SLC35G2: variants seen among roughly 807,000 people sequenced by gnomAD.
SLC35G2 encodes transmembrane protein 22.
Under a neutral mutation model 27.2 loss-of-function variants are expected in SLC35G2, and 20 were observed. That is an observed-to-expected ratio of 0.74 (90% CI 0.52 to 1.07). The LOEUF is 1.07. Among genes scored for constraint, SLC35G2 ranks in the 50% least tolerant of loss-of-function variants. The probability of loss-of-function intolerance (pLI) is 0.00; values close to 1 mark genes in which losing one functional copy is unlikely to be tolerated. For synonymous variants in SLC35G2, 148 were observed against 165.3 expected, an observed-to-expected ratio of 0.90 and a Z score of 0.80; for missense variants, 416 against 493.3, an observed-to-expected ratio of 0.84 and a Z score of 1.48.
At chr3:136,831,554 G>C (rs906528715) in intron 1 of SLC35G2, among the ~76,000 whole-genome samples, 2 of 152,206 alleles carry the variant, frequency 1.3e-5, no homozygotes, top group African/African-American at 4.8e-5. Context: ...CCTGTAGAAA[G>C]TGTTCTAGAA....
chr3:136,844,064 A>G (rs1252835223), intron 1 of SLC35G2, among the ~76,000 whole-genome samples: 1 of 152,142 alleles, frequency 6.6e-6, no homozygotes, highest in Non-Finnish European at 1.5e-5. Flanking sequence ...AGTTATAAGA[A>G]AACAAATTTG....
At chr3:136,851,412 G>C (rs1937622861) in intron 1 of SLC35G2, among the ~76,000 whole-genome samples, 1 of 149,272 alleles carries the variant, frequency 6.7e-6, no homozygotes, top group Non-Finnish European at 1.5e-5. Context: ...GCAGGAGAAT[G>C]GTGTGAACCC....
Position 136,855,242 on chromosome 3 carries a change from CT to C in SLC35G2, c.783del (p.Val262Ter). 4.3e-6 allele frequency: 7 copies of C among 1,614,182 alleles called. No homozygotes were observed. Among genetic ancestry groups the C allele is most frequent in the Non-Finnish European group, 5.9e-6 (7 of 1,180,020 alleles). On this transcript the variant is annotated frameshift_variant, in exon 2 of 2. Coordinates refer to ENST00000446465, the MANE Select transcript of SLC35G2 (RefSeq NM_025246.3). LOFTEE classifies it high-confidence loss of function. ...AWKEAFGYTM[T>X]VMAGLTTALS... ...AAAGAAGCCTTTGGGTACACCATGA[CT>C]GTGATGGCTGGACTGACCACTGCTC...
intron 1 of SLC35G2, chr3:136,842,059 T>G (rs935661771): frequency 1.3e-5 from 2 of 151,654 alleles, no homozygotes; most frequent in South Asian, 4.1e-4. Flanking sequence ...TTGAAGTATT[T>G]TGAAATAAAG....
intron 1 of SLC35G2, among the ~76,000 whole-genome samples, chr3:136,833,546 C>T (rs886665604): frequency 3.9e-5 from 6 of 152,052 alleles, no homozygotes; most frequent in South Asian, 2.1e-4. Flanking sequence ...GGTGTGTTCA[C>T]GAATGGTTTC....
chr3:136,854,341 A>T, intron 1 of SLC35G2, 102 bp from the exon 2 acceptor site: 1 of 767,232 alleles, frequency 1.3e-6, no homozygotes, highest in Non-Finnish European at 2.1e-6. Context: ...GACTACTGTT[A>T]CAGCCTCTAC....
At position 136,855,474 on chromosome 3, in the gene SLC35G2, C is replaced by T. The variant is rs771080893; in HGVS notation, c.1014C>T (p.Ala338=). ...CAGCATTCTTAGGAGTTTATTATGC[C>T]TTGGACAAATTCCATCCAGCTTTGG... ...STAAFLGVYY[A]LDKFHPALVS... Residue 338 remains alanine, a synonymous_variant, in exon 2 of 2, where the codon GCC becomes GCT. Transcript: ENST00000446465. The T allele has an allele frequency of 9.9e-6, 16 of 1,614,088 alleles. No homozygotes were observed. Among genetic ancestry groups the T allele is most frequent in the Non-Finnish European group, 1.3e-5 (15 of 1,179,992 alleles).
chr3:136,837,446 G>A (rs1936905634), intron 1 of SLC35G2: 1 of 152,010 alleles, frequency 6.6e-6, no homozygotes, highest in South Asian at 2.1e-4. Flanking sequence ...ATACATATAT[G>A]AAAAACAAAC....
Position 136,855,005 on chromosome 3 carries a change from C to A in SLC35G2, c.545C>A (p.Ala182Asp), listed in dbSNP as rs1171172215. 2 of 1,614,144 alleles carry A rather than the reference C, an allele frequency of 1.2e-6. No individual in the cohort carries two copies. Among genetic ancestry groups the A allele is most frequent in the South Asian group, 2.2e-5 (2 of 91,080 alleles). The change falls in exon 2 of 2, where the codon GCT (alanine) becomes GAT (aspartate). Residue 182 changes from alanine to aspartate, a missense_variant. By Grantham distance (126) the Ala-to-Asp change is moderately radical. Coordinates refer to ENST00000446465, the MANE Select transcript of SLC35G2 (RefSeq NM_025246.3). The part of the protein sequence containing the change: ...GVCNVISITC[A>D]YTSFSIVPPS... The stretch of plus-strand genomic sequence containing the variant: ...TGCAATGTCATTTCTATCACTTGTG[C>A]TTATACATCATTTTCAATAGTTCCT...
chr3:136,854,336 C>T, intron 1 of SLC35G2, 107 bp from the exon 2 acceptor site: 1 of 727,772 alleles, frequency 1.4e-6, no homozygotes, highest in South Asian at 2.1e-5. Context: ...TTCTGGACTA[C>T]TGTTACAGCC....
chr3:136,855,038 A>G lies in SLC35G2; in HGVS notation c.578A>G (p.Asn193Ser). 6.2e-7 allele frequency: 1 copy of G among 1,614,136 alleles called. No homozygotes were observed. The highest frequency in any genetic ancestry group is 8.5e-7 in the Non-Finnish European group (1 of 1,180,034). ...YTSFSIVPPS[N>S]GTTMWRATTT... ...TCATTTTCAATAGTTCCTCCCAGCA[A>G]TGGGACCACTATGTGGAGAGCCACA... Residue 193 changes from asparagine (N) to serine (S), a missense_variant, in exon 2 of 2, where the codon AAT becomes AGT. Asn to Ser is a conservative substitution (Grantham distance 46). Coordinates refer to ENST00000446465, the MANE Select transcript of SLC35G2 (RefSeq NM_025246.3).
At chr3:136,854,106 TTC>T (rs1294257538) in intron 1 of SLC35G2, among the ~76,000 whole-genome samples, 2 of 152,200 alleles carry the variant, frequency 1.3e-5, no homozygotes, top group Non-Finnish European at 2.9e-5. Flanking sequence ...TTATTTATCT[TTC>T]TGTGTTTTGC....
At chr3:136,834,024 T>C (rs1351891947) in intron 1 of SLC35G2, among the ~76,000 whole-genome samples, 2 of 151,902 alleles carry the variant, frequency 1.3e-5, no homozygotes, top group African/African-American at 4.8e-5. Flanking sequence ...AAATATATGT[T>C]AATATATGTA....
At chr3:136,848,480 G>C (rs1475611381) in intron 1 of SLC35G2, among the ~76,000 whole-genome samples, 3 of 152,074 alleles carry the variant, frequency 2.0e-5, no homozygotes. Flanking sequence ...TTAGGTAGGC[G>C]TGATGGCAGG....
At chr3:136,847,691 G>A (rs1420925061) in intron 1 of SLC35G2, among the ~76,000 whole-genome samples, 2 of 152,100 alleles carry the variant, frequency 1.3e-5, no homozygotes, top group African/African-American at 2.4e-5. Flanking sequence ...AGCTGGGGCC[G>A]GGAGCAGTGG....
At chr3:136,832,409 C>A (rs180963723) in intron 1 of SLC35G2, among the ~76,000 whole-genome samples, 2 of 152,292 alleles carry the variant, frequency 1.3e-5, no homozygotes, top group East Asian at 3.9e-4. Flanking sequence ...CAAATTAGTT[C>A]TAGGCTGAAA....
At chr3:136,830,343 C>T (rs369560796) in intron 1 of SLC35G2, among the ~76,000 whole-genome samples, 12 of 152,002 alleles carry the variant, frequency 7.9e-5, no homozygotes, top group Middle Eastern at 3.4e-3. Flanking sequence ...AGTGCAGTGG[C>T]GCCATCTCGG....
rs190785675 is a variant in SLC35G2 at position 136,837,724 on chromosome 3, A to G, written c.-18-16719A>G. ...AGCCATGATGAATATTTTTGCATGC[A>G]CATCCTTATATACTTTGCTGGTGAT... On this transcript the variant is annotated intron_variant, in intron 1 of 1. Coordinates refer to ENST00000446465, the MANE Select transcript of SLC35G2 (RefSeq NM_025246.3). 5.6e-4 allele frequency: 85 copies of G among 152,330 alleles called. 1 individual carries two copies. In the Middle Eastern group the frequency reaches 0.017, roughly 30 times the overall value. 9.4% of individuals were successfully genotyped at this position (152,330 alleles called of 1,614,324 possible).
intron 1 of SLC35G2, chr3:136,842,074 T>G (rs939803551): frequency 5.3e-5 from 8 of 152,110 alleles, no homozygotes; most frequent in Non-Finnish European, 8.8e-5. Flanking sequence ...ATAAAGATAC[T>G]TTCCATATTT....
Sources: gnomAD v4.1 joint callset for allele counts (sites outside exome capture counted in the v4.1 genomes callset) on GRCh38, gnomAD v4.1.1 for gene constraint, MANE v1.5 for transcripts, NCBI Gene and HGNC (gene_info 2026-07-23, HGNC 2026-07-21) for gene names.